The following SLC38A10 variants were observed in gnomAD, a reference collection of about 807,000 sequenced individuals.
The protein encoded by SLC38A10 is Sodium-coupled neutral amino acid transporter 10.
Under a neutral mutation model 81.0 loss-of-function variants are expected in SLC38A10, and 53 were observed. The observed-to-expected ratio is 0.65, with a 90% CI of 0.53 to 0.82. SLC38A10 has a LOEUF of 0.82. Among genes scored for constraint, SLC38A10 ranks in the 40% least tolerant of loss-of-function variants. SLC38A10 has a pLI of 0.00. For synonymous variants in SLC38A10, 665 were observed against 655.3 expected, an observed-to-expected ratio of 1.01 and a Z score of -0.23; for missense variants, 1,471 against 1,545.0, an observed-to-expected ratio of 0.95 and a Z score of 0.80.
Position 81,245,761 on chromosome 17 carries a change from C to A in SLC38A10, c.3155G>T (p.Arg1052Leu). 1 of 1,595,954 alleles carries A rather than the reference C, an allele frequency of 6.3e-7. No individual in the cohort carries two copies. Among genetic ancestry groups the A allele is most frequent in the East Asian group, 2.3e-5 (1 of 44,372 alleles). The change falls in exon 16 of 16, where the codon CGA becomes CTA. Residue 1052 changes from arginine to leucine, a missense_variant. Physicochemically the swap from Arg to Leu is moderately radical, Grantham distance 102. Coordinates refer to ENST00000374759, the MANE Select transcript of SLC38A10 (RefSeq NM_001037984.3). Reference protein sequence around the residue: ...KLQAGSDLRRRRRDLGPHAEG... With the variant: ...KLQAGSDLRRLRRDLGPHAEG... ...TGCATGAGGGCCAAGGTCCCGCCGT[C>A]GCCTCCGGAGGTCGGAGCCAGCCTG...
At chr17:81,250,654 A>G (rs1415096095) in intron 14 of SLC38A10, among the ~76,000 whole-genome samples, 6 of 152,228 alleles carry the variant, frequency 3.9e-5, no homozygotes, top group Non-Finnish European at 8.8e-5. Flanking sequence ...ATCTTGAGAG[A>G]AGGCTTGGAC....
intron 3 of SLC38A10, 33 bp downstream of exon 3, chr17:81,284,816 TG>T (rs1274046927): frequency 4.1e-6 from 5 of 1,211,286 alleles, no homozygotes; most frequent in East Asian, 4.1e-5. Flanking sequence ...GGTGCGGGGG[TG>T]GGGGGCAAGC....
At chr17:81,291,594 G>A (rs190130402) in intron 1 of SLC38A10, among the ~76,000 whole-genome samples, 18 of 152,042 alleles carry the variant, frequency 1.2e-4, no homozygotes, top group East Asian at 5.8e-4. Context: ...CAATGCTACC[G>A]GGGATGCGGG....
At chr17:81,280,922 G>A (rs1039261955) in intron 5 of SLC38A10, among the ~76,000 whole-genome samples, 189 bp from the exon 6 acceptor site, 4 of 151,366 alleles carry the variant, frequency 2.6e-5, no homozygotes, top group Admixed American at 2.0e-4. Context: ...GAGACCCCGC[G>A]CCTTTCTGGA....
At chr17:81,285,306 A>T (rs1598405431) in intron 2 of SLC38A10, 1 of 169,132 alleles carries the variant, frequency 5.9e-6, no homozygotes, top group African/African-American at 2.4e-5. Flanking sequence ...GGTCCCAGGT[A>T]CCCGAGCGCC....
chr17:81,284,261 G>C (rs1223642194), intron 3 of SLC38A10, among the ~76,000 whole-genome samples: 1 of 152,112 alleles, frequency 6.6e-6, no homozygotes, highest in Non-Finnish European at 1.5e-5. Flanking sequence ...CGGAGGCTGA[G>C]GCAGGAGAAT....
intron 6 of SLC38A10, 89 bp downstream of exon 6, chr17:81,280,520 A>G: frequency 6.4e-7 from 1 of 1,550,938 alleles, no homozygotes; most frequent in African/African-American, 1.4e-5. Context: ...AAGAGCGATC[A>G]CAGTAAACGA....
Position 81,276,193 on chromosome 17 carries a change from C to A in SLC38A10, c.730-42G>T. The stretch of plus-strand genomic sequence containing the variant: ...AATGGCAACGTGGCAGACAGACATC[C>A]TAGCCGAGTGGCACCTGTCACAGTG... On this transcript the variant is annotated intron_variant, in intron 7 of 15. Transcript: ENST00000374759. This position sits in a 1 kb window ranked among gnomAD's most constrained non-coding sequence, Gnocchi z 4.7. 1 of 1,548,710 alleles carries A rather than the reference C, an allele frequency of 6.5e-7. No homozygotes were observed. Among genetic ancestry groups the A allele is most frequent in the Non-Finnish European group, 8.7e-7 (1 of 1,144,264 alleles).
rs1316619633 is a variant in SLC38A10 at position 81,260,404 on chromosome 17, C to T, written c.1132-10G>A. 1 of 1,608,192 alleles carries T rather than the reference C, an allele frequency of 6.2e-7. No homozygotes were observed. Among genetic ancestry groups the T allele is most frequent in the South Asian group, 1.1e-5 (1 of 90,528 alleles). On this transcript the variant is annotated splice_polypyrimidine_tract_variant and intron_variant, in intron 10 of 15. Transcript: ENST00000374759. ...CGACCCACAGCACCACCTGAGGAGA[C>T]AAAGACCCCAGGGGCGGGAGTCACA...
chr17:81,259,815 A>T (rs539529922), intron 11 of SLC38A10, among the ~76,000 whole-genome samples: 3 of 152,206 alleles, frequency 2.0e-5, no homozygotes, highest in Non-Finnish European at 4.4e-5. Flanking sequence ...GTCCTGGTGA[A>T]CAAATAATAA....
At chr17:81,248,449 T>G (rs548541959) in intron 14 of SLC38A10, among the ~76,000 whole-genome samples, 116 of 152,380 alleles carry the variant, frequency 7.6e-4, no homozygotes, top group Non-Finnish European at 1.5e-3. Flanking sequence ...CTGCCCGGGT[T>G]ACGGCTGGCA....
At position 81,251,576 on chromosome 17, in the gene SLC38A10, G is replaced by A. The variant is rs770297763; in HGVS notation, c.1982C>T (p.Pro661Leu). 1 of 1,496,372 alleles carries A rather than the reference G, an allele frequency of 6.7e-7. No homozygotes were observed. Among genetic ancestry groups the A allele is most frequent in the African/African-American group, 1.4e-5 (1 of 71,438 alleles). 92.7% of individuals were successfully genotyped at this position (1,496,372 alleles called of 1,614,324 possible). A position where few individuals can be genotyped will look rare whatever the true frequency, so the allele number is the denominator to read the frequency against. The change falls in exon 14 of 16, where the codon CCA becomes CTA. Residue 661 changes from proline to leucine, a missense_variant. Physicochemically the swap from Pro to Leu is moderately conservative, Grantham distance 98 (BLOSUM62 -3). This residue lies in a region of SLC38A10 where 751 missense variants were observed against 717.4 expected (regional missense o/e 1.05). Transcript: ENST00000374759. ...KPPLPAEKPA[P>L]GPGLPPEPRE... ...AGGCTCGGGCGGCAGCCCAGGCCCT[G>A]GAGCCGGCTTCTCCGCTGGGAGGGG...
intron 10 of SLC38A10, among the ~76,000 whole-genome samples, chr17:81,269,074 A>G (rs2063093307): frequency 1.3e-5 from 2 of 152,262 alleles, no homozygotes; most frequent in South Asian, 4.1e-4. Context: ...AAGGAGATAT[A>G]ACCAACTTCA....
At chr17:81,264,285 T>C (rs2063050909) in intron 10 of SLC38A10, 1 of 152,450 alleles carries the variant, frequency 6.6e-6, no homozygotes, top group East Asian at 1.9e-4. Flanking sequence ...CCAGCACAGC[T>C]TCCTGCACAG....
chr17:81,248,145 G>C (rs2062871960), intron 14 of SLC38A10, among the ~76,000 whole-genome samples: 1 of 151,986 alleles, frequency 6.6e-6, no homozygotes, highest in African/African-American at 2.4e-5. Context: ...TTTTAGTAGA[G>C]ATGGGGTTTC....
chr17:81,281,067 G>C lies in SLC38A10; in HGVS notation c.502-334C>G, dbSNP rs2063208155. ...GGCCCCAGTTTCCGTCGGTTACAGA[G>C]GCTGGTTTCCCACGTGGGCAGGTCC... On this transcript the variant is annotated intron_variant, in intron 5 of 15. Transcript: ENST00000374759. The surrounding 1 kb of genome is among the most constrained non-coding windows in gnomAD (Gnocchi z 5.3). Among the ~76,000 whole-genome samples, 1 of 152,260 alleles carries C rather than the reference G, an allele frequency of 6.6e-6. No individual in the cohort carries two copies. The highest frequency in any genetic ancestry group is 6.5e-5 in the Admixed American group (1 of 15,288).
Position 81,283,367 on chromosome 17 carries a change from C to T in SLC38A10, c.357+42G>A, listed in dbSNP as rs753469084. On this transcript the variant is annotated intron_variant, in intron 4 of 15. Transcript: ENST00000374759. The surrounding 1 kb of genome is among the most constrained non-coding windows in gnomAD (Gnocchi z 4.7). ...ATCCCACAGAGGGCCTCAGAGCAGCCGTCAGCATCTGAACAACCCAGAACC... is the reference window on the plus strand; with the variant it reads ...ATCCCACAGAGGGCCTCAGAGCAGCTGTCAGCATCTGAACAACCCAGAACC... 24 of 1,565,602 alleles carry T rather than the reference C, an allele frequency of 1.5e-5. No individual in the cohort carries two copies. Among genetic ancestry groups the T allele is most frequent in the South Asian group, 1.5e-4 (13 of 88,250 alleles).
At chr17:81,278,654 A>G (rs759648793) in intron 6 of SLC38A10, among the ~76,000 whole-genome samples, 1 of 152,194 alleles carries the variant, frequency 6.6e-6, no homozygotes, top group Admixed American at 6.5e-5. Flanking sequence ...CCCTAGACCC[A>G]CAGCTACAGA....
rs749358316 is a variant in SLC38A10 at position 81,246,211 on chromosome 17, G to C, written c.2705C>G (p.Thr902Ser). ...GGCTTCCTTCAGAATGCTGGTGCCA[G>C]TGGCTGCCACCTCCTTCCCAGGTTT... ...RKKPGKEVAA[T>S]GTSILKEANW... is the part of the protein sequence containing the mutation. Residue 902 changes from threonine (T) to serine (S), a missense_variant, in exon 16 of 16, where the codon ACT becomes AGT. Transcript: ENST00000374759. 2 of 1,612,748 alleles carry C rather than the reference G, an allele frequency of 1.2e-6. No homozygotes were observed. Among genetic ancestry groups the C allele is most frequent in the Non-Finnish European group, 1.7e-6 (2 of 1,179,960 alleles).
Sources: gnomAD v4.1 joint callset for allele counts (sites outside exome capture counted in the v4.1 genomes callset) on GRCh38, gnomAD v4.1.1 for gene constraint, gnomAD v4.1.1 regional missense constraint, Gnocchi (gnomAD v3.1) non-coding constraint, MANE v1.5 for transcripts, NCBI Gene and HGNC (gene_info 2026-07-23, HGNC 2026-07-21) for gene names.